MAP1LC3B: variants seen among roughly 807,000 people sequenced by gnomAD.
The protein encoded by MAP1LC3B is microtubule associated protein 1 light chain 3 beta.
A neutral mutation model predicts 16.7 loss-of-function variants in MAP1LC3B; 12 were observed. That is an observed-to-expected ratio of 0.72 (90% CI 0.46 to 1.16). MAP1LC3B has a LOEUF of 1.16. Among genes scored for constraint, MAP1LC3B ranks in the 50% most tolerant of loss-of-function variants. MAP1LC3B has a pLI of 0.00. For synonymous variants in MAP1LC3B, 63 were observed against 56.5 expected (o/e 1.11, Z -0.51); for missense variants, 155 against 159.5 (o/e 0.97, Z 0.15).
At chr16:87,402,549 T>G in intron 3 of MAP1LC3B, 2 of 554,456 alleles carry the variant, frequency 3.6e-6, no homozygotes, top group Non-Finnish European at 6.3e-6. Flanking sequence ...AAATCAGTGT[T>G]ACAAGTTATT....
intron 2 of MAP1LC3B, among the ~76,000 whole-genome samples, 170 bp from the exon 3 acceptor site, chr16:87,402,005 T>C (rs1431524192): frequency 6.6e-6 from 1 of 152,096 alleles, no homozygotes; most frequent in African/African-American, 2.4e-5. Context: ...GCTAATTTTT[T>C]TTTGTATTTT....
intron 1 of MAP1LC3B, among the ~76,000 whole-genome samples, chr16:87,397,639 T>C (rs901738543): frequency 2.6e-5 from 4 of 152,002 alleles, no homozygotes; most frequent in African/African-American, 9.7e-5. Context: ...GATACTAAAA[T>C]TTTTTTTAAT....
At chr16:87,401,863 C>A (rs565120175) in intron 2 of MAP1LC3B, among the ~76,000 whole-genome samples, 1 of 146,400 alleles carries the variant, frequency 6.8e-6, no homozygotes, top group Non-Finnish European at 1.5e-5. Context: ...GATGGAGTCT[C>A]GCTCTGTCAC....
At chr16:87,402,878 CTTGTA>C (rs1308066497) in intron 3 of MAP1LC3B, 40 bp from the exon 4 acceptor site, 7 of 1,608,994 alleles carry the variant, frequency 4.4e-6, no homozygotes, top group Middle Eastern at 1.7e-4. Flanking sequence ...CTTCATCCTT[CTTGTA>C]TTGTTGTCAA....
intron 1 of MAP1LC3B, among the ~76,000 whole-genome samples, chr16:87,394,390 G>C (rs927586693): frequency 1.3e-5 from 2 of 152,216 alleles, no homozygotes; most frequent in African/African-American, 4.8e-5. Flanking sequence ...TCCTTAGAGA[G>C]AACCTCTTTA....
chr16:87,401,058 G>T (rs1026822679), intron 2 of MAP1LC3B, among the ~76,000 whole-genome samples: 2 of 148,178 alleles, frequency 1.3e-5, no homozygotes, highest in Non-Finnish European at 3.0e-5. Flanking sequence ...GCTTGAACCC[G>T]GGAGTCGGAG....
Position 87,401,578 on chromosome 16 carries a change from G to C in MAP1LC3B, c.97-597G>C, listed in dbSNP as rs901013133. ...GAGACAGTCTAGCTCTATGCCCTAGGCTGGAGTGCAGTGGCGCAACCTCAG... is the reference window on the plus strand; with the variant it reads ...GAGACAGTCTAGCTCTATGCCCTAGCCTGGAGTGCAGTGGCGCAACCTCAG... On this transcript the variant is annotated intron_variant, in intron 2 of 3. Transcript: ENST00000268607. Among the ~76,000 whole-genome samples, 11 of 152,330 alleles carry C rather than the reference G, an allele frequency of 7.2e-5. 1 individual carries two copies. In the South Asian group the frequency reaches 1.5e-3, roughly 20 times the overall value.
rs540819459 is a variant in MAP1LC3B, at chr16:87,395,654, G to A, written c.41-3161G>A. ...TCATTGCTGCTGGACAGCGTGCTAA[G>A]ATGCTCCTATGGGACTTGGGTGTTA... On this transcript the variant is annotated intron_variant, in intron 1 of 3. Transcript: ENST00000268607. Among the ~76,000 whole-genome samples, 18 of 152,278 alleles carry A rather than the reference G, an allele frequency of 1.2e-4. No homozygotes were observed. The East Asian group carries it at 3.5e-3, about 29-fold the overall frequency.
chr16:87,397,608 ACT>A (rs1287232560), intron 1 of MAP1LC3B, among the ~76,000 whole-genome samples: 1 of 152,220 alleles, frequency 6.6e-6, no homozygotes, highest in African/African-American at 2.4e-5. Context: ...ACAGAGTGAG[ACT>A]CTGTCTCAAA....
chr16:87,392,939 A>C (rs951843878), intron 1 of MAP1LC3B: 1 of 152,146 alleles, frequency 6.6e-6, no homozygotes. Context: ...CCAGCGCGTC[A>C]CCTTCAGGGC....
chr16:87,400,179 A>AT (rs113551235), intron 2 of MAP1LC3B: 2,683 of 124,664 alleles, frequency 0.022, 50 homozygotes, highest in Middle Eastern at 0.039. Context: ...TGTGTATAAA[A>AT]TTTTTTTTTT....
chr16:87,394,248 GT>G lies in MAP1LC3B; in HGVS notation c.40+1783del, dbSNP rs1370473152. Among the ~76,000 whole-genome samples, 5 of 149,590 alleles carry G rather than the reference GT, an allele frequency of 3.3e-5. No homozygotes were observed. In the East Asian group the frequency reaches 9.9e-4, roughly 30 times the overall value. On this transcript the variant is annotated intron_variant, in intron 1 of 3. Transcript: ENST00000268607. ...AAATGTGTCAAATATCTTAACAGCTGTTACCTTTCCTTGCTTCTGATTTTGG... is the reference window on the plus strand; with the variant it reads ...AAATGTGTCAAATATCTTAACAGCTGTACCTTTCCTTGCTTCTGATTTTGG...
At chr16:87,395,476 G>A (rs1273815986) in intron 1 of MAP1LC3B, among the ~76,000 whole-genome samples, 1 of 152,154 alleles carries the variant, frequency 6.6e-6, no homozygotes, top group South Asian at 2.1e-4. Context: ...TAAAAGACTT[G>A]CCCTCCTTCT....
intron 1 of MAP1LC3B, among the ~76,000 whole-genome samples, chr16:87,394,225 A>G (rs147098992): frequency 3.9e-5 from 6 of 152,016 alleles, no homozygotes; most frequent in Non-Finnish European, 8.8e-5. Flanking sequence ...CTTTGTAGAA[A>G]TGTGTCAAAT....
At chr16:87,400,580 T>C (rs1907956703) in intron 2 of MAP1LC3B, among the ~76,000 whole-genome samples, 3 of 152,216 alleles carry the variant, frequency 2.0e-5, no homozygotes, top group Non-Finnish European at 4.4e-5. Context: ...CAGCTAATAA[T>C]GGACTCTACT....
At chr16:87,397,460 AC>A (rs1452143056) in intron 1 of MAP1LC3B, among the ~76,000 whole-genome samples, 3 of 152,096 alleles carry the variant, frequency 2.0e-5, no homozygotes, top group Non-Finnish European at 4.4e-5. Context: ...TACTAAAAAT[AC>A]AAAAAAATTA....
chr16:87,392,704 C>A, intron 1 of MAP1LC3B: 1 of 199,536 alleles, frequency 5.0e-6, no homozygotes, highest in Non-Finnish European at 9.4e-6. Flanking sequence ...GCGGACCTCT[C>A]GGAGGCCTGG....
intron 3 of MAP1LC3B, 74 bp downstream of exon 3, chr16:87,402,355 A>G (rs760662862): frequency 2.9e-6 from 4 of 1,379,354 alleles, no homozygotes; most frequent in Non-Finnish European, 2.0e-6. Flanking sequence ...TTACAGTTAA[A>G]TCTTTAGTTC....
Position 87,396,136 on chromosome 16 carries a change from C to T in MAP1LC3B, c.41-2679C>T, listed in dbSNP as rs374816100. On this transcript the variant is annotated intron_variant, in intron 1 of 3. Transcript: ENST00000268607. ...TTGGCCTCCCAAAGTGCTGGGTTTA[C>T]GAGCGTGAGCCACCGCACCCAGCCA... Among the ~76,000 whole-genome samples, 57 of 151,406 alleles carry T rather than the reference C, an allele frequency of 3.8e-4. No homozygotes were observed. The South Asian group carries it at 0.012, about 31-fold the overall frequency.
Sources: allele counts gnomAD v4.1 joint callset (sites outside exome capture counted in the v4.1 genomes callset), GRCh38; gene constraint gnomAD v4.1.1; transcripts MANE v1.5; gene names NCBI Gene and HGNC (gene_info 2026-07-23, HGNC 2026-07-21).